Variants in RALGAPA1 observed in about 807,000 individuals in gnomAD.
RALGAPA1 encodes Ral GTPase activating protein catalytic subunit alpha 1.
In RALGAPA1, 52 loss-of-function variants were observed where a neutral mutation model predicts 269.6. That is an observed-to-expected ratio of 0.19 (90% confidence interval 0.15 to 0.24). The LOEUF (loss-of-function observed/expected upper bound fraction) is 0.24, where lower values mean the gene tolerates loss of function less well. Among genes scored for constraint, RALGAPA1 ranks in the 10% least tolerant of loss-of-function variants. RALGAPA1 has a pLI of 1.00. For synonymous variants in RALGAPA1, 817 were observed against 1,008.3 expected, an observed-to-expected ratio of 0.81 and a Z score of 3.60; for missense variants, 1,917 against 3,013.9, an observed-to-expected ratio of 0.64 and a Z score of 8.52.
At chr14:35,700,829 T>TCATAGTCAA (rs2067277540) in intron 16 of RALGAPA1, among the ~76,000 whole-genome samples, 1 of 152,200 alleles carries the variant, frequency 6.6e-6, no homozygotes, top group Non-Finnish European at 1.5e-5. Context: ...TTTAGGTAAT[T>TCATAGTCAA]CATAGTCAAA....
In RALGAPA1 at chr14:35,700,245, G is replaced by C; in HGVS notation, c.2324C>G (p.Ala775Gly). 6.5e-7 allele frequency: 1 copy of C among 1,535,804 alleles called. No homozygotes were observed. ...CALPSAYIRS[A>G]KSAPVLIHTS... ...ATGGATCAGAACAGGAGCACTTTTA[G>C]CACTGCGTATATAGGCCGATGGCAG... The change falls in exon 17 of 42, where the codon GCT (alanine) becomes GGT (glycine). Residue 775 changes from alanine (A) to glycine (G), a missense_variant. Ala to Gly is a moderately conservative substitution (Grantham distance 60). This residue lies in a region of RALGAPA1 where 125 missense variants were observed against 155.7 expected (regional missense o/e 0.80). Transcript: ENST00000680220.
intron 27 of RALGAPA1, among the ~76,000 whole-genome samples, chr14:35,663,650 C>T (rs1011712415): frequency 2.7e-5 from 4 of 146,118 alleles, no homozygotes; most frequent in Admixed American, 7.0e-5. Flanking sequence ...AGTGCAGTGG[C>T]GCAATCTCGG....
Position 35,539,505 on chromosome 14 carries a change from G to C in RALGAPA1, c.*209C>G. 1 of 1,601,472 alleles carries C rather than the reference G, an allele frequency of 6.2e-7. No individual in the cohort carries two copies. Among genetic ancestry groups the C allele is most frequent in the Non-Finnish European group, 8.5e-7 (1 of 1,174,114 alleles). On this transcript the variant is annotated 3_prime_UTR_variant, in exon 42 of 42. Coordinates refer to ENST00000680220, the MANE Select transcript of RALGAPA1 (RefSeq NM_001346249.2). Reference sequence around the variant, plus strand: ...GGGTTAACCCTATGTTCGTGCTAAGGTGGCTACTGCTGATCACTGCTGGGC... The same window carrying C: ...GGGTTAACCCTATGTTCGTGCTAAGCTGGCTACTGCTGATCACTGCTGGGC...
intron 12 of RALGAPA1, among the ~76,000 whole-genome samples, chr14:35,734,060 C>T (rs1483028343): frequency 2.6e-5 from 4 of 152,142 alleles, no homozygotes; most frequent in Non-Finnish European, 5.9e-5. Flanking sequence ...GCAGATGACA[C>T]AAACAAATGC....
chr14:35,612,370 CAAAAAAAAAA>C (rs1010725263), intron 35 of RALGAPA1, among the ~76,000 whole-genome samples: 1 of 63,322 alleles, frequency 1.6e-5, no homozygotes, highest in Middle Eastern at 0.012. Context: ...AACTCTGTTT[CAAAAAAAAAA>C]AAAAAAAAAA....
intron 39 of RALGAPA1, among the ~76,000 whole-genome samples, chr14:35,565,557 T>C (rs2056628454): frequency 6.6e-6 from 1 of 152,126 alleles, no homozygotes; most frequent in Non-Finnish European, 1.5e-5. Context: ...AGACTCAGAC[T>C]GCAACATCAA....
At chr14:35,777,031 T>G (rs1270596414) in intron 1 of RALGAPA1, among the ~76,000 whole-genome samples, 3 of 152,152 alleles carry the variant, frequency 2.0e-5, no homozygotes, top group Admixed American at 6.6e-5. Flanking sequence ...TCTGTCTCAA[T>G]CAGTGCTGTC....
chr14:35,626,982 T>A, intron 34 of RALGAPA1, 108 bp downstream of exon 34: 1 of 1,130,698 alleles, frequency 8.8e-7, no homozygotes. Flanking sequence ...AAGAACTAAT[T>A]GGTAGATAAA....
intron 36 of RALGAPA1, among the ~76,000 whole-genome samples, chr14:35,604,749 T>C (rs766303426): frequency 6.6e-6 from 1 of 152,116 alleles, no homozygotes; most frequent in Non-Finnish European, 1.5e-5. Flanking sequence ...TTTAAGTGTA[T>C]TTTCATCAAA....
chr14:35,674,322 A>T, intron 23 of RALGAPA1, 44 bp from the exon 24 acceptor site: 1 of 1,483,256 alleles, frequency 6.7e-7, no homozygotes, highest in Non-Finnish European at 9.3e-7. Context: ...GAAAACTGTT[A>T]TCTCTTCCAG....
In RALGAPA1 at chr14:35,539,264, A is replaced by G; in HGVS notation, c.*450T>C. 5.0e-6 allele frequency: 1 copy of G among 199,870 alleles called. No individual in the cohort carries two copies. Among genetic ancestry groups the G allele is most frequent in the Non-Finnish European group, 9.9e-6 (1 of 100,616 alleles). 12.4% of individuals were successfully genotyped at this position (199,870 alleles called of 1,614,324 possible). On this transcript the variant is annotated 3_prime_UTR_variant, in exon 42 of 42. Transcript: ENST00000680220. ...CATGAAATTAAAGATAAAACTACTT[A>G]GACATAATTATCTAGGAAGGTAAAG...
At chr14:35,800,199 T>C (rs1019036384) in intron 1 of RALGAPA1, among the ~76,000 whole-genome samples, 4 of 152,202 alleles carry the variant, frequency 2.6e-5, no homozygotes, top group African/African-American at 9.6e-5. Context: ...AGAAATTCAG[T>C]AAGGACAGAG....
At chr14:35,785,350 A>G (rs954049573) in intron 1 of RALGAPA1, among the ~76,000 whole-genome samples, 2 of 152,230 alleles carry the variant, frequency 1.3e-5, no homozygotes, top group African/African-American at 4.8e-5. Flanking sequence ...TCTGATCTCT[A>G]TCTGATCTGA....
At chr14:35,634,026 AG>A (rs2061516383) in intron 33 of RALGAPA1, among the ~76,000 whole-genome samples, 1 of 152,082 alleles carries the variant, frequency 6.6e-6, no homozygotes, top group Admixed American at 6.5e-5. Flanking sequence ...ATAAGAAAAC[AG>A]ATATTTAGCA....
At chr14:35,670,684 G>C (rs2064332436) in intron 26 of RALGAPA1, among the ~76,000 whole-genome samples, 1 of 152,160 alleles carries the variant, frequency 6.6e-6, no homozygotes, top group African/African-American at 2.4e-5. Flanking sequence ...CAGCACTTTG[G>C]GAGGCTGAGG....
intron 10 of RALGAPA1, among the ~76,000 whole-genome samples, chr14:35,745,400 C>T (rs1037205071): frequency 6.9e-6 from 1 of 144,408 alleles, no homozygotes; most frequent in Non-Finnish European, 1.5e-5. Flanking sequence ...GCCAGAAATA[C>T]ACATACACAG....
chr14:35,539,773 C>G, intron 41 of RALGAPA1, 83 bp from the exon 42 acceptor site: 2 of 1,546,030 alleles, frequency 1.3e-6, no homozygotes, highest in Non-Finnish European at 1.7e-6. Flanking sequence ...TAATCTGCAG[C>G]AAGGATCCCA....
intron 39 of RALGAPA1, among the ~76,000 whole-genome samples, chr14:35,561,278 T>C (rs1335453995): frequency 7.5e-6 from 1 of 134,082 alleles, no homozygotes; most frequent in Non-Finnish European, 1.6e-5. Flanking sequence ...AACAGGCATA[T>C]ACTGCCATTT....
intron 12 of RALGAPA1, among the ~76,000 whole-genome samples, chr14:35,733,654 C>A (rs2070714453): frequency 6.6e-6 from 1 of 151,976 alleles, no homozygotes; most frequent in Non-Finnish European, 1.5e-5. Context: ...TAAGGTCATA[C>A]CTCAAGGAAC....
Sources: allele counts gnomAD v4.1 joint callset (sites outside exome capture counted in the v4.1 genomes callset), GRCh38; gene constraint gnomAD v4.1.1; regional missense constraint gnomAD v4.1.1; transcripts MANE v1.5; gene names NCBI Gene and HGNC (gene_info 2026-07-23, HGNC 2026-07-21).